Variants in CRYBG3 observed in about 807,000 individuals in gnomAD.
CRYBG3 encodes crystallin beta-gamma domain containing 3.
A neutral mutation model predicts 244.2 loss-of-function variants in CRYBG3; 127 were observed. The observed-to-expected ratio is 0.52, with a 90% confidence interval of 0.45 to 0.60. The LOEUF (loss-of-function observed/expected upper bound fraction) is 0.60, where lower values mean the gene tolerates loss of function less well. Among genes scored for constraint, CRYBG3 ranks in the 20% least tolerant of loss-of-function variants. The pLI is 0.00. For synonymous variants in CRYBG3, 1,132 were observed against 1,195.8 expected (o/e 0.95, Z 1.10); for missense variants, 3,325 against 3,442.5 (o/e 0.97, Z 0.85).
At chr3:97,869,665 G>A (rs2039278481) in intron 3 of CRYBG3, among the ~76,000 whole-genome samples, 1 of 152,090 alleles carries the variant, frequency 6.6e-6, no homozygotes, top group Non-Finnish European at 1.5e-5. Context: ...AACAGTCCTT[G>A]ATCTAGCCTG....
At chr3:97,867,312 A>G (rs937706655) in intron 3 of CRYBG3, 2 of 152,224 alleles carry the variant, frequency 1.3e-5, no homozygotes, top group African/African-American at 4.8e-5. Context: ...TTGGAAAGCA[A>G]CCTGTTATGC....
At chr3:97,846,504 C>A (rs1488089681) in intron 2 of CRYBG3, among the ~76,000 whole-genome samples, 1 of 152,166 alleles carries the variant, frequency 6.6e-6, no homozygotes, top group Non-Finnish European at 1.5e-5. Flanking sequence ...AATTCAGTTT[C>A]TCCAAAAGCC....
intron 1 of CRYBG3, among the ~76,000 whole-genome samples, chr3:97,833,761 G>A (rs182467498): frequency 7.9e-5 from 12 of 151,988 alleles, no homozygotes; most frequent in Admixed American, 1.3e-4. Flanking sequence ...GAGGTTTTTC[G>A]CTGTCATAGT....
chr3:97,900,370 T>G, intron 14 of CRYBG3, 83 bp from the exon 15 acceptor site: 1 of 899,130 alleles, frequency 1.1e-6, no homozygotes, highest in Admixed American at 2.5e-5. Flanking sequence ...AAAAAAAAAT[T>G]TTTTTCAAAG....
intron 15 of CRYBG3, among the ~76,000 whole-genome samples, chr3:97,908,407 C>T (rs2039804836): frequency 6.6e-6 from 1 of 152,148 alleles, no homozygotes; most frequent in African/African-American, 2.4e-5. Flanking sequence ...TCACTCAGGA[C>T]TTGCTTTATG....
chr3:97,836,996 T>C (rs2038743591), intron 1 of CRYBG3: 1 of 152,172 alleles, frequency 6.6e-6, no homozygotes, highest in South Asian at 2.1e-4. Context: ...TCAGCTGGTC[T>C]GAACCTTTTT....
intron 2 of CRYBG3, among the ~76,000 whole-genome samples, chr3:97,856,048 T>A (rs1219444587): frequency 6.6e-6 from 1 of 152,206 alleles, no homozygotes; most frequent in East Asian, 1.9e-4. Flanking sequence ...TATGGGAGAC[T>A]GGGGTCTATT....
In CRYBG3 at chr3:97,886,635, G is replaced by A. The variant is rs762187735; in HGVS notation, c.7157G>A (p.Cys2386Tyr). 6.3e-7 allele frequency: 1 copy of A among 1,599,712 alleles called. No individual in the cohort carries two copies. Among genetic ancestry groups the A allele is most frequent in the East Asian group, 2.2e-5 (1 of 44,746 alleles). ...LGSLKRVLKD[C>Y]SIPEIELFPQ... ...CAAATTATTTTTTTTTTTCAGGACT[G>A]CAGCATTCCAGAAATAGAGCTTTTC... is the stretch of plus-strand genomic sequence containing the variant. The change falls in exon 8 of 22, where the codon TGC (cysteine) becomes TAC (tyrosine). Residue 2386 changes from cysteine to tyrosine, a missense_variant. Cys to Tyr is a radical substitution (Grantham distance 194). Transcript: ENST00000389622.
At chr3:97,862,832 C>T (rs1245233420) in intron 2 of CRYBG3, among the ~76,000 whole-genome samples, 1 of 152,144 alleles carries the variant, frequency 6.6e-6, no homozygotes, top group African/African-American at 2.4e-5. Flanking sequence ...TAAATCCTAA[C>T]ACATCAAACA....
At chr3:97,850,619 T>C (rs986361049) in intron 2 of CRYBG3, among the ~76,000 whole-genome samples, 2 of 152,228 alleles carry the variant, frequency 1.3e-5, no homozygotes, top group Non-Finnish European at 2.9e-5. Flanking sequence ...GTTGCCTACC[T>C]ACCTTGCCTG....
At chr3:97,870,378 TGTG>T (rs1309222524) in intron 3 of CRYBG3, among the ~76,000 whole-genome samples, 2 of 152,176 alleles carry the variant, frequency 1.3e-5, no homozygotes, top group African/African-American at 2.4e-5. Context: ...TCCACTTATA[TGTG>T]AGAACATGTA....
chr3:97,880,935 CA>C (rs1254613021), intron 6 of CRYBG3, 136 bp from the exon 7 acceptor site: 1 of 568,846 alleles, frequency 1.8e-6, no homozygotes, highest in Non-Finnish European at 2.9e-6. Flanking sequence ...ATCATTGTTT[CA>C]AAAAATAGGG....
chr3:97,936,035 G>C (rs2040160056), intron 18 of CRYBG3, among the ~76,000 whole-genome samples: 1 of 152,058 alleles, frequency 6.6e-6, no homozygotes, highest in Admixed American at 6.6e-5. Context: ...ATCACCTAAG[G>C]TGGTGCTTGG....
chr3:97,840,599 A>G (rs2038797667), intron 1 of CRYBG3: 1 of 152,112 alleles, frequency 6.6e-6, no homozygotes. Context: ...TTCTGCCATA[A>G]TCTCATGAAC....
At chr3:97,923,404 G>A (rs910448130) in intron 17 of CRYBG3, among the ~76,000 whole-genome samples, 3 of 151,884 alleles carry the variant, frequency 2.0e-5, no homozygotes, top group Admixed American at 1.3e-4. Flanking sequence ...TATATATATA[G>A]TTAATGGTAT....
rs138300776 is a variant in CRYBG3, at chr3:97,944,441, A to G, written c.*1127A>G. ...CCAACTTTTGCCAGAAAGCAGAAAA[A>G]TGCTCTATTTTTATAAAGAAAGATT... On this transcript the variant is annotated 3_prime_UTR_variant, in exon 22 of 22. Transcript: ENST00000389622. 122 of 152,474 alleles carry G rather than the reference A, an allele frequency of 8.0e-4. No homozygotes were observed. Among genetic ancestry groups the G allele is most frequent in the African/African-American group, 2.8e-3 (118 of 41,522 alleles). 9.4% of individuals were successfully genotyped at this position (152,474 alleles called of 1,614,324 possible).
chr3:97,933,654 T>G, intron 17 of CRYBG3, 40 bp from the exon 18 acceptor site: 1 of 1,605,134 alleles, frequency 6.2e-7, no homozygotes, highest in Non-Finnish European at 8.5e-7. Context: ...CACTGAGATA[T>G]GGCCACTCCT....
intron 17 of CRYBG3, chr3:97,924,435 C>T (rs1430658704): frequency 4.5e-6 from 2 of 446,772 alleles, no homozygotes; most frequent in Admixed American, 2.5e-5. Context: ...GTATTAGTGT[C>T]CTATTGCTGA....
intron 19 of CRYBG3, among the ~76,000 whole-genome samples, chr3:97,940,586 T>A (rs1028744566): frequency 3.9e-5 from 6 of 152,014 alleles, no homozygotes; most frequent in African/African-American, 1.4e-4. Flanking sequence ...GTTACACAAT[T>A]TTTGAGTACC....
Sources: allele counts gnomAD v4.1 joint callset (sites outside exome capture counted in the v4.1 genomes callset), GRCh38; gene constraint gnomAD v4.1.1; transcripts MANE v1.5; gene names NCBI Gene and HGNC (gene_info 2026-07-23, HGNC 2026-07-21).